DLG2: variants seen among roughly 807,000 people sequenced by gnomAD.
The protein encoded by DLG2 is disks large homolog 2.
DLG2 carries 45 observed loss-of-function variants against 132.5 expected under a neutral mutation model. That is an observed-to-expected ratio of 0.34 (90% CI 0.27 to 0.44). DLG2 has a LOEUF of 0.44. Among genes scored for constraint, DLG2 ranks in the 20% least tolerant of loss-of-function variants. The pLI, the probability that DLG2 is intolerant of heterozygous loss-of-function variation, is 1.00. For missense variants in DLG2, 1,045 were observed against 1,196.9 expected (o/e 0.87, Z 1.87); for synonymous variants, 424 against 419.6 (o/e 1.01, Z -0.13).
chr11:83,504,399 C>T (rs35933506), intron 21 of DLG2, among the ~76,000 whole-genome samples: 50,977 of 152,012 alleles, frequency 0.34, 8,785 homozygotes, highest in Middle Eastern at 0.45. Flanking sequence ...GACACCCTAA[C>T]GAATCTCCTG....
At chr11:83,730,067 T>C (rs1296587750) in intron 18 of DLG2, among the ~76,000 whole-genome samples, 3 of 151,624 alleles carry the variant, frequency 2.0e-5, no homozygotes, top group African/African-American at 7.3e-5. Flanking sequence ...AGAAAAGATA[T>C]TAGAACAAAA....
intron 6 of DLG2, among the ~76,000 whole-genome samples, chr11:84,962,344 T>C (rs150393157): frequency 8.0e-4 from 122 of 152,352 alleles, no homozygotes; most frequent in African/African-American, 2.0e-3. Flanking sequence ...CTCTGTGATA[T>C]AGTGAAACAC....
chr11:85,468,487 G>T (rs2092877797), intron 3 of DLG2, among the ~76,000 whole-genome samples: 1 of 152,174 alleles, frequency 6.6e-6, no homozygotes, highest in Non-Finnish European at 1.5e-5. Context: ...CTTTGAATGT[G>T]TCCCAGAGAT....
chr11:84,411,454 T>A (rs1302294545), intron 7 of DLG2, among the ~76,000 whole-genome samples: 1 of 152,162 alleles, frequency 6.6e-6, no homozygotes, highest in African/African-American at 2.4e-5. Context: ...AAAATTGAAA[T>A]CAATGGACCA....
intron 3 of DLG2, among the ~76,000 whole-genome samples, chr11:85,462,526 T>C (rs1042237918): frequency 3.9e-5 from 6 of 152,016 alleles, no homozygotes; most frequent in African/African-American, 1.5e-4. Context: ...CTGGAAACCA[T>C]CACTCTCAGC....
intron 7 of DLG2, among the ~76,000 whole-genome samples, chr11:84,384,649 A>G (rs917265738): frequency 1.3e-5 from 2 of 152,014 alleles, no homozygotes; most frequent in Admixed American, 6.6e-5. Flanking sequence ...AGCCAATGAC[A>G]TGATAACTAT....
intron 4 of DLG2, among the ~76,000 whole-genome samples, chr11:85,188,759 T>C (rs374110808): frequency 5.9e-5 from 9 of 152,232 alleles, no homozygotes; most frequent in African/African-American, 2.2e-4. Context: ...AGTTCTGAAA[T>C]GTCAGAAGAA....
At chr11:84,453,489 A>G (rs964464) in intron 7 of DLG2, among the ~76,000 whole-genome samples, 11,170 of 151,610 alleles carry the variant, frequency 0.074, 1,388 homozygotes, top group African/African-American at 0.25. Context: ...ATCAATAATT[A>G]TAAGACCAGG....
At chr11:85,021,730 G>A (rs2060089800) in intron 6 of DLG2, 3 of 715,914 alleles carry the variant, frequency 4.2e-6, no homozygotes, top group South Asian at 1.7e-5. Context: ...GAGTGAGGAG[G>A]GAGAAGAGAT....
intron 7 of DLG2, among the ~76,000 whole-genome samples, chr11:84,472,212 C>A (rs2099110354): frequency 6.6e-6 from 1 of 151,828 alleles, no homozygotes; most frequent in Non-Finnish European, 1.5e-5. Context: ...TGCCTGTATA[C>A]ATGTTTAAAT....
chr11:84,234,291 C>T (rs1462624763), intron 8 of DLG2, among the ~76,000 whole-genome samples: 2 of 152,210 alleles, frequency 1.3e-5, no homozygotes, highest in Non-Finnish European at 2.9e-5. Flanking sequence ...TTCATTCCCA[C>T]TCTAAAGCTT....
chr11:84,575,676 T>A (rs1168766692), intron 6 of DLG2, among the ~76,000 whole-genome samples: 3 of 152,216 alleles, frequency 2.0e-5, no homozygotes, highest in Admixed American at 2.0e-4. Flanking sequence ...ATCCTTTGTG[T>A]TACAAACAAT....
chr11:83,945,992 TC>T (rs200557331), intron 14 of DLG2, among the ~76,000 whole-genome samples: 21,454 of 107,262 alleles, frequency 0.2, 2,428 homozygotes, highest in African/African-American at 0.38. Context: ...TCTCTCTCTC[TC>T]TTTTTTTTTT....
At chr11:84,916,199 A>C (rs1470256451) in intron 6 of DLG2, among the ~76,000 whole-genome samples, 1 of 150,994 alleles carries the variant, frequency 6.6e-6, no homozygotes, top group Non-Finnish European at 1.5e-5. Context: ...CAAAAAAAAA[A>C]TTAGCCGGGC....
chr11:83,637,438 C>G (rs1003908086), intron 18 of DLG2, among the ~76,000 whole-genome samples: 1 of 152,102 alleles, frequency 6.6e-6, no homozygotes, highest in Non-Finnish European at 1.5e-5. Context: ...TTTAAAAATA[C>G]ATTATTTTTC....
chr11:83,837,300 C>G (rs964427773), intron 16 of DLG2, among the ~76,000 whole-genome samples: 1 of 152,030 alleles, frequency 6.6e-6, no homozygotes, highest in African/African-American at 2.4e-5. Flanking sequence ...GGTAAGGGTA[C>G]GAGTTCAGCT....
At chr11:84,584,059 T>C (rs2099523052) in intron 6 of DLG2, among the ~76,000 whole-genome samples, 1 of 152,156 alleles carries the variant, frequency 6.6e-6, no homozygotes, top group African/African-American at 2.4e-5. Context: ...CTATGGTATA[T>C]ATATCTAAGA....
chr11:85,384,570 TTTTG>T (rs1400104745), intron 3 of DLG2, among the ~76,000 whole-genome samples: 10 of 152,172 alleles, frequency 6.6e-5, no homozygotes, highest in Admixed American at 2.6e-4. Flanking sequence ...TTGTTTGTTT[TTTTG>T]TTTGTTTGTT....
At chr11:85,280,981 T>C (rs574990344) in intron 4 of DLG2, among the ~76,000 whole-genome samples, 2 of 152,178 alleles carry the variant, frequency 1.3e-5, no homozygotes, top group South Asian at 4.1e-4. Context: ...TCTTATGATA[T>C]CAACAACATA....
Sources: allele counts gnomAD v4.1 joint callset (sites outside exome capture counted in the v4.1 genomes callset), GRCh38; gene constraint gnomAD v4.1.1; transcripts MANE v1.5; gene names NCBI Gene and HGNC (gene_info 2026-07-23, HGNC 2026-07-21).